Variants in FOCAD observed in about 807,000 individuals in gnomAD.
The protein encoded by FOCAD is focadhesin.
In FOCAD, 198 loss-of-function variants were observed where a neutral mutation model predicts 225.6. The ratio of observed to expected loss-of-function variants is 0.88; its 90% CI spans 0.78 to 0.99. The LOEUF (loss-of-function observed/expected upper bound fraction) is 0.99, where lower values mean the gene tolerates loss of function less well. Among genes scored for constraint, FOCAD ranks in the 50% least tolerant of loss-of-function variants. The pLI is 0.00. For missense variants in FOCAD, 2,713 were observed against 2,123.6 expected (o/e 1.28, Z -5.46); for synonymous variants, 897 against 755.0 (o/e 1.19, Z -3.08).
chr9:20,964,674 A>T (rs10811439), intron 35 of FOCAD, among the ~76,000 whole-genome samples: 110,286 of 151,872 alleles, frequency 0.73, 40,327 homozygotes, highest in East Asian at 0.94. Flanking sequence ...TAGCTGGGAC[A>T]ACAGGCGCAT....
At chr9:20,986,266 A>ATTTTTTTTTTTTTTCTTTTTTTTTTT in intron 39 of FOCAD, 22 bp from the exon 40 acceptor site, 1 of 705,686 alleles carries the variant, frequency 1.4e-6, no homozygotes, top group Non-Finnish European at 1.8e-6. Context: ...TAACTAAACA[A>ATTTTTTTTTTTTTTCTTTTTTTTTTT]TTTTTTTTTT....
chr9:20,725,745 A>G (rs182729643), intron 4 of FOCAD, among the ~76,000 whole-genome samples: 1 of 152,342 alleles, frequency 6.6e-6, no homozygotes, highest in East Asian at 1.9e-4. Context: ...ACTTTGAAAA[A>G]GACTTGACAT....
chr9:20,664,360 A>G (rs1216729200), intron 2 of FOCAD, among the ~76,000 whole-genome samples: 1 of 150,872 alleles, frequency 6.6e-6, no homozygotes, highest in Non-Finnish European at 1.5e-5. Flanking sequence ...GTAATAGTTC[A>G]ATTAATACTG....
chr9:20,789,642 G>A (rs1264115179), intron 11 of FOCAD, 34 bp downstream of exon 11: 1 of 1,606,764 alleles, frequency 6.2e-7, no homozygotes, highest in Non-Finnish European at 8.5e-7. Flanking sequence ...AATAATGAGA[G>A]GAAAGCTTAA....
intron 2 of FOCAD, among the ~76,000 whole-genome samples, chr9:20,660,301 G>A (rs963621711): frequency 1.3e-5 from 2 of 152,160 alleles, no homozygotes; most frequent in African/African-American, 4.8e-5. Flanking sequence ...ATGACCTATG[G>A]TGTAGAAACT....
intron 8 of FOCAD, among the ~76,000 whole-genome samples, chr9:20,772,163 A>G (rs1192926601): frequency 6.6e-6 from 1 of 152,154 alleles, no homozygotes; most frequent in Non-Finnish European, 1.5e-5. Flanking sequence ...CCTTGATAGA[A>G]TCTCAGCTTT....
chr9:20,823,090 G>T lies in FOCAD; in HGVS notation c.1895G>T (p.Gly632Val). The T allele has an allele frequency of 6.2e-7, 1 of 1,607,046 alleles. No homozygotes were observed. The highest frequency in any genetic ancestry group is 8.5e-7 in the Non-Finnish European group (1 of 1,177,426). The change falls in exon 15 of 44, where the codon GGT (glycine) becomes GTT (valine). Residue 632 changes from glycine to valine, a missense_variant. Transcript: ENST00000338382. ...ACTCCAGCAGCCTTGGTATTACAGG[G>T]TCTTCATGCACTCTGTCAAGCTGAG... ...QATPAALVLQGLHALCQAEVV... is the reference protein window; with the variant it reads ...QATPAALVLQVLHALCQAEVV...
intron 15 of FOCAD, among the ~76,000 whole-genome samples, chr9:20,824,719 A>T (rs1465128242): frequency 1.3e-5 from 2 of 152,114 alleles, no homozygotes; most frequent in African/African-American, 2.4e-5. Context: ...AGGATAAAAT[A>T]AGATTATACA....
chr9:20,773,886 A>G (rs539895676), intron 8 of FOCAD, among the ~76,000 whole-genome samples: 16 of 152,224 alleles, frequency 1.1e-4, no homozygotes, highest in East Asian at 3.9e-4. Flanking sequence ...GTGGTCCCCA[A>G]TGCCTGGGCC....
intron 29 of FOCAD, among the ~76,000 whole-genome samples, chr9:20,946,431 G>T (rs1434952806): frequency 6.6e-6 from 1 of 152,164 alleles, no homozygotes; most frequent in East Asian, 1.9e-4. Context: ...AAAGACCTGG[G>T]CTTGAATCCC....
At chr9:20,766,820 A>G (rs1830088621) in intron 7 of FOCAD, among the ~76,000 whole-genome samples, 2 of 151,752 alleles carry the variant, frequency 1.3e-5, no homozygotes, top group Non-Finnish European at 1.5e-5. Flanking sequence ...AATGCTGTTG[A>G]TGTGGTCTTT....
chr9:20,794,933 A>G (rs549988093), intron 11 of FOCAD, among the ~76,000 whole-genome samples: 2 of 152,350 alleles, frequency 1.3e-5, no homozygotes, highest in South Asian at 2.1e-4. Flanking sequence ...TACTCTCAAG[A>G]ATATATTCAT....
intron 18 of FOCAD, 132 bp from the exon 19 acceptor site, chr9:20,874,549 G>A (rs1193308811): frequency 1.2e-6 from 1 of 805,884 alleles, no homozygotes; most frequent in Non-Finnish European, 1.9e-6. Flanking sequence ...ATTAATTTCA[G>A]TGGTCTTTTA....
intron 41 of FOCAD, among the ~76,000 whole-genome samples, 199 bp downstream of exon 41, chr9:20,988,628 A>G (rs1841394411): frequency 6.6e-6 from 1 of 151,962 alleles, no homozygotes; most frequent in Admixed American, 6.6e-5. Context: ...TTTTAGACAC[A>G]CTTAATGATT....
At chr9:20,711,479 A>G (rs777641372) in intron 1 of FOCAD, among the ~76,000 whole-genome samples, 2 of 152,234 alleles carry the variant, frequency 1.3e-5, no homozygotes, top group Non-Finnish European at 2.9e-5. Flanking sequence ...CTAATCTGAC[A>G]GCAGTGTACT....
intron 15 of FOCAD, 50 bp downstream of exon 15, chr9:20,823,165 A>C (rs773824098): frequency 1.3e-6 from 2 of 1,560,250 alleles, no homozygotes; most frequent in South Asian, 1.2e-5. Context: ...ATCTTTTATA[A>C]GGCAGAGTGG....
intron 21 of FOCAD, among the ~76,000 whole-genome samples, chr9:20,890,430 C>G (rs1379676353): frequency 6.7e-6 from 1 of 148,330 alleles, no homozygotes; most frequent in African/African-American, 2.5e-5. Context: ...TTTTCTGTAT[C>G]AATTGAGATG....
At position 20,960,325 on chromosome 9, in the gene FOCAD, C is replaced by T. The variant is rs78477212; in HGVS notation, c.4132+7260C>T. Among the ~76,000 whole-genome samples, 1,517 of 152,314 alleles carry T rather than the reference C, an allele frequency of 1.0e-2. 25 individuals carry two copies. The highest frequency in any genetic ancestry group is 0.034 in the African/African-American group (1,431 of 41,550). ...TTCTCACTGCATCCCATCTGTGGCA[C>T]ATGACGTCTCAGCTGCCTCCACTGG... On this transcript the variant is annotated intron_variant, in intron 35 of 43. Transcript: ENST00000338382.
chr9:20,826,233 C>T (rs914289855), intron 15 of FOCAD, among the ~76,000 whole-genome samples: 2 of 152,026 alleles, frequency 1.3e-5, no homozygotes, highest in Non-Finnish European at 2.9e-5. Flanking sequence ...CACCCTCAAA[C>T]TGGGAGTGTA....
Sources: gnomAD v4.1 joint callset for allele counts (sites outside exome capture counted in the v4.1 genomes callset) on GRCh38, gnomAD v4.1.1 for gene constraint, MANE v1.5 for transcripts, NCBI Gene and HGNC (gene_info 2026-07-23, HGNC 2026-07-21) for gene names.